Variants in DCAF7 observed in about 807,000 individuals in gnomAD.
DCAF7 encodes the protein DDB1- and CUL4-associated factor 7.
Under a neutral mutation model 41.2 loss-of-function variants are expected in DCAF7, and 4 were observed. The ratio of observed to expected loss-of-function variants is 0.10; its 90% confidence interval spans 0.05 to 0.22. The LOEUF (loss-of-function observed/expected upper bound fraction) is 0.22, where lower values mean the gene tolerates loss of function less well. Among genes scored for constraint, DCAF7 ranks in the 10% least tolerant of loss-of-function variants. The pLI, the probability that DCAF7 is intolerant of heterozygous loss-of-function variation, is 1.00. For synonymous variants in DCAF7, 143 were observed against 164.2 expected, an observed-to-expected ratio of 0.87 and a Z score of 0.99; for missense variants, 131 against 443.2, an observed-to-expected ratio of 0.30 and a Z score of 6.32.
In DCAF7 at chr17:63,593,016, C is replaced by G. The variant is rs890546294; in HGVS notation, c.*3844C>G. On this transcript the variant is annotated 3_prime_UTR_variant, in exon 7 of 7. Coordinates refer to ENST00000614556, the MANE Select transcript of DCAF7 (RefSeq NM_005828.5). ...TGTAGCAGCTGCAGGGTTTACCACA[C>G]GTGGGAGGGCAGCCCAGTACTGTCC... The G allele has an allele frequency of 1.3e-5, 2 of 152,318 alleles. No homozygotes were observed. Among genetic ancestry groups the G allele is most frequent in the Non-Finnish European group, 2.9e-5 (2 of 68,126 alleles). The allele number at this position is 152,318 out of a possible 1,614,324, so 9.4% of individuals were successfully genotyped here. A position where few individuals can be genotyped will look rare whatever the true frequency, so the allele number is the denominator to read the frequency against.
intron 1 of DCAF7, among the ~76,000 whole-genome samples, chr17:63,554,269 A>G (rs2033288283): frequency 6.6e-6 from 1 of 152,224 alleles, no homozygotes; most frequent in Non-Finnish European, 1.5e-5. Flanking sequence ...CTTGAGGGAT[A>G]CAGCAAGATT....
At chr17:63,569,385 A>G (rs1729412302) in intron 1 of DCAF7, among the ~76,000 whole-genome samples, 1 of 132,480 alleles carries the variant, frequency 7.5e-6, no homozygotes, top group Admixed American at 7.4e-5. Flanking sequence ...ACTTTAAGGA[A>G]AAAAAAAAAA....
At chr17:63,551,768 C>T (rs746832585) in intron 1 of DCAF7, among the ~76,000 whole-genome samples, 8 of 151,596 alleles carry the variant, frequency 5.3e-5, no homozygotes, top group Non-Finnish European at 1.0e-4. Context: ...TAAAACTGGC[C>T]GGGCGCGGTG....
At chr17:63,561,225 A>G (rs533109517) in intron 1 of DCAF7, among the ~76,000 whole-genome samples, 2 of 152,334 alleles carry the variant, frequency 1.3e-5, no homozygotes, top group East Asian at 3.9e-4. Flanking sequence ...AGATCACGCC[A>G]CTGCACTCCA....
intron 5 of DCAF7, 65 bp downstream of exon 5, chr17:63,583,776 A>G: frequency 6.5e-7 from 1 of 1,529,572 alleles, no homozygotes; most frequent in Non-Finnish European, 9.0e-7. Context: ...TATATCTAGA[A>G]GGCTGGTTCT....
chr17:63,553,346 T>C (rs2033279230), intron 1 of DCAF7, among the ~76,000 whole-genome samples: 1 of 152,172 alleles, frequency 6.6e-6, no homozygotes, highest in Non-Finnish European at 1.5e-5. Context: ...CATTTGTAAT[T>C]GAAGGAAACA....
Position 63,594,007 on chromosome 17 carries a change from A to G in DCAF7, c.*4835A>G, listed in dbSNP as rs540609954. 1 of 152,710 alleles carries G rather than the reference A, an allele frequency of 6.5e-6. No homozygotes were observed. The highest frequency in any genetic ancestry group is 2.1e-4 in the South Asian group (1 of 4,822). 9.5% of individuals were successfully genotyped at this position (152,710 alleles called of 1,614,324 possible). A position where few individuals can be genotyped will look rare whatever the true frequency, so the allele number is the denominator to read the frequency against. On this transcript the variant is annotated 3_prime_UTR_variant, in exon 7 of 7. Transcript: ENST00000614556. ...AACTGTACTGTAATATTTTTCTTTT[A>G]TAAATATTTTCACAGGACTGATTGT...
chr17:63,577,081 G>C (rs960881317), intron 1 of DCAF7, among the ~76,000 whole-genome samples: 2 of 152,168 alleles, frequency 1.3e-5, no homozygotes, highest in Admixed American at 6.6e-5. Context: ...TATTTATATC[G>C]TATTATGGAG....
intron 1 of DCAF7, among the ~76,000 whole-genome samples, chr17:63,555,135 C>G (rs1294521524): frequency 2.0e-5 from 3 of 152,186 alleles, no homozygotes; most frequent in Admixed American, 1.3e-4. Flanking sequence ...GTTATTTCCC[C>G]TCTTTTATTG....
At chr17:63,578,371 AAAAAC>A (rs2033584918) in intron 1 of DCAF7, 94 bp from the exon 2 acceptor site, 5 of 1,542,030 alleles carry the variant, frequency 3.2e-6, no homozygotes, top group Non-Finnish European at 4.4e-6. Context: ...CTTTAAAACA[AAAAAC>A]AAACAAAAAA....
intron 1 of DCAF7, among the ~76,000 whole-genome samples, chr17:63,573,537 C>T (rs538665826): frequency 2.6e-5 from 4 of 151,782 alleles, no homozygotes; most frequent in African/African-American, 4.8e-5. Context: ...GCAGCCTGAC[C>T]GACATGGTGA....
At chr17:63,559,695 G>A (rs960310572) in intron 1 of DCAF7, among the ~76,000 whole-genome samples, 4 of 151,432 alleles carry the variant, frequency 2.6e-5, no homozygotes, top group Non-Finnish European at 5.9e-5. Flanking sequence ...CCAGCTACTC[G>A]GGAAGCTGAG....
At chr17:63,583,783 T>G (rs1245765289) in intron 5 of DCAF7, 72 bp downstream of exon 5, 2 of 1,491,582 alleles carry the variant, frequency 1.3e-6, no homozygotes, top group African/African-American at 1.4e-5. Flanking sequence ...AGAAGGCTGG[T>G]TCTCAACTGG....
At chr17:63,557,008 A>G (rs753835171) in intron 1 of DCAF7, among the ~76,000 whole-genome samples, 1 of 152,220 alleles carries the variant, frequency 6.6e-6, no homozygotes, top group Non-Finnish European at 1.5e-5. Flanking sequence ...CGCTGGGGTG[A>G]CAGAGCGAGA....
chr17:63,561,483 G>C (rs2033379852), intron 1 of DCAF7, among the ~76,000 whole-genome samples: 1 of 152,138 alleles, frequency 6.6e-6, no homozygotes, highest in Admixed American at 6.6e-5. Context: ...GCTTTGGGAG[G>C]CTGAGGCTGG....
intron 1 of DCAF7, among the ~76,000 whole-genome samples, chr17:63,559,361 A>ATG (rs1568097707): frequency 6.7e-5 from 8 of 119,488 alleles, no homozygotes; most frequent in African/African-American, 3.1e-4. Flanking sequence ...ATATATATGT[A>ATG]TGTATATATA....
Position 63,579,573 on chromosome 17 carries a change from T to A in DCAF7, c.409+125T>A, listed in dbSNP as rs1319932332. The stretch of plus-strand genomic sequence containing the variant: ...GAAGTAGGCTAGGCGTGGAATGTGG[T>A]TATTTATTAATTCCTTTGTGTGGGT... On this transcript the variant is annotated intron_variant, in intron 3 of 6. Coordinates refer to ENST00000614556, the MANE Select transcript of DCAF7 (RefSeq NM_005828.5). 6.9e-6 allele frequency: 5 copies of A among 729,502 alleles called. No individual in the cohort carries two copies. The East Asian group carries it at 1.4e-4, about 20-fold the overall frequency. 45.2% of individuals were successfully genotyped at this position (729,502 alleles called of 1,614,324 possible).
At chr17:63,580,012 T>C in intron 4 of DCAF7, 69 bp downstream of exon 4, 1 of 1,179,760 alleles carries the variant, frequency 8.5e-7, no homozygotes, top group Non-Finnish European at 1.2e-6. Flanking sequence ...AGAGGTCAGC[T>C]TGTTCTCTCA....
intron 1 of DCAF7, among the ~76,000 whole-genome samples, chr17:63,563,417 A>T (rs923776644): frequency 6.6e-5 from 10 of 152,256 alleles, no homozygotes; most frequent in Non-Finnish European, 1.0e-4. Context: ...AGTCTATTTG[A>T]AAAGTAAGTT....
Sources: gnomAD v4.1 joint callset for allele counts (sites outside exome capture counted in the v4.1 genomes callset) on GRCh38, gnomAD v4.1.1 for gene constraint, MANE v1.5 for transcripts, NCBI Gene and HGNC (gene_info 2026-07-23, HGNC 2026-07-21) for gene names.